Variants in PTGER4 observed in about 807,000 individuals in gnomAD.
PTGER4 encodes the protein prostaglandin E receptor 4.
Under a neutral mutation model 33.2 loss-of-function variants are expected in PTGER4, and 11 were observed. The observed-to-expected ratio is 0.33, with a 90% confidence interval of 0.21 to 0.55. The LOEUF (loss-of-function observed/expected upper bound fraction) is 0.55, where lower values mean the gene tolerates loss of function less well. Ranked by LOEUF, PTGER4 falls within the 20% of genes least tolerant of loss-of-function variation. The pLI is 0.92. For synonymous variants in PTGER4, 275 were observed against 281.5 expected (o/e 0.98, Z 0.23); for missense variants, 481 against 650.2 (o/e 0.74, Z 2.83).
chr5:40,707,731 A>G, the PTGER4 span, among the ~76,000 whole-genome samples: 1 of 152,100 alleles, frequency 6.6e-6, no homozygotes, highest in South Asian at 2.1e-4. Context: ...AATACACATT[A>G]TTCTCAGCAC....
In PTGER4 at chr5:40,680,886, GTC is replaced by G; in HGVS notation, c.-43-63_-43-62del. 7.2e-7 allele frequency: 1 copy of G among 1,391,368 alleles called. No homozygotes were observed. The highest frequency in any genetic ancestry group is 9.7e-7 in the Non-Finnish European group (1 of 1,026,628). The allele number at this position is 1,391,368 out of a possible 1,614,324, so 86.2% of individuals were successfully genotyped here. ...TCAGTGTATCGTTTCTCGGGCGCGGGTCTAACACCTTACAAGTGGTAATTTCC... is the reference window on the plus strand; with the variant it reads ...TCAGTGTATCGTTTCTCGGGCGCGGGTAACACCTTACAAGTGGTAATTTCC... On this transcript the variant is annotated intron_variant, in intron 1 of 2. Transcript: ENST00000302472. This position sits in a 1 kb window ranked among gnomAD's most constrained non-coding sequence, Gnocchi z 5.5.
the PTGER4 span, among the ~76,000 whole-genome samples, chr5:40,735,759 G>T: frequency 1.3e-5 from 2 of 152,200 alleles, no homozygotes; most frequent in African/African-American, 4.8e-5. Flanking sequence ...AGAGAGCAGT[G>T]TATTTAGGAA....
At chr5:40,741,670 C>T in the PTGER4 span, among the ~76,000 whole-genome samples, 1 of 152,106 alleles carries the variant, frequency 6.6e-6, no homozygotes, top group Non-Finnish European at 1.5e-5. Context: ...GTGCCCATTC[C>T]CTGGAGACTA....
At chr5:40,690,439 T>C (rs945501145) in intron 2 of PTGER4, among the ~76,000 whole-genome samples, 1 of 152,246 alleles carries the variant, frequency 6.6e-6, no homozygotes, top group African/African-American at 2.4e-5. Flanking sequence ...CGCTGAATCA[T>C]TTGAAGTTCC....
At chr5:40,699,582 A>T in the PTGER4 span, among the ~76,000 whole-genome samples, 45,262 of 151,998 alleles carry the variant, frequency 0.3, 6,988 homozygotes, top group East Asian at 0.55. Context: ...CCTCATGAAC[A>T]CAGACACAAA....
the PTGER4 span, among the ~76,000 whole-genome samples, chr5:40,728,689 A>G: frequency 3.9e-5 from 6 of 152,212 alleles, no homozygotes; most frequent in East Asian, 1.2e-3. Flanking sequence ...TTCCCTTTCC[A>G]GTTATTGAAT....
chr5:40,726,224 A>G, the PTGER4 span, among the ~76,000 whole-genome samples: 4 of 151,032 alleles, frequency 2.6e-5, no homozygotes, highest in Non-Finnish European at 5.9e-5. Context: ...TTATATATAT[A>G]TATCTCCTAT....
chr5:40,720,433 T>C, the PTGER4 span, among the ~76,000 whole-genome samples: 1 of 152,238 alleles, frequency 6.6e-6, no homozygotes, highest in Admixed American at 6.5e-5. Flanking sequence ...AGTACTATAC[T>C]GTCTTGATTA....
chr5:40,722,348 C>T, the PTGER4 span, among the ~76,000 whole-genome samples: 14 of 152,244 alleles, frequency 9.2e-5, no homozygotes, highest in South Asian at 2.5e-3. Context: ...AAGTGAGGAG[C>T]GTCTCTGCCT....
the PTGER4 span, chr5:40,730,251 A>T: frequency 1.3e-6 from 2 of 1,588,760 alleles, no homozygotes; most frequent in Non-Finnish European, 1.7e-6. Context: ...GAAATTCTTC[A>T]TAATTATTAC....
the PTGER4 span, among the ~76,000 whole-genome samples, chr5:40,743,895 A>G: frequency 1.3e-5 from 2 of 152,240 alleles, no homozygotes; most frequent in Non-Finnish European, 2.9e-5. Context: ...AAAGCATCCA[A>G]TCCCACTGGT....
Position 40,681,841 on chromosome 5 carries a change from T to C in PTGER4, c.848T>C (p.Ile283Thr). 6.4e-7 allele frequency: 1 copy of C among 1,552,130 alleles called. No homozygotes were observed. The highest frequency in any genetic ancestry group is 1.2e-5 in the South Asian group (1 of 82,190). ...ATTGCCACCTCCCTGGTGGTGCTCA[T>C]CTGCTCCATCCCGCTCGTGGTGAGT... ...LLIATSLVVL[I>T]CSIPLVVRVF... Residue 283 changes from isoleucine (I) to threonine (T), a missense_variant, in exon 2 of 3, where the codon ATC becomes ACC. Physicochemically the swap from Ile to Thr is moderately conservative, Grantham distance 89. This residue lies in a region of PTGER4 where 174 missense variants were observed against 210.5 expected (regional missense o/e 0.83). Transcript: ENST00000302472. This position sits in a 1 kb window ranked among gnomAD's most constrained non-coding sequence, Gnocchi z 9.8.
chr5:40,685,921 T>C (rs1008197590), intron 2 of PTGER4, among the ~76,000 whole-genome samples: 3 of 152,198 alleles, frequency 2.0e-5, no homozygotes, highest in Admixed American at 6.5e-5. Flanking sequence ...GAATATTCAA[T>C]GTGAGAGCTT....
At chr5:40,694,107 T>C (rs1036892030), downstream of PTGER4, among the ~76,000 whole-genome samples, 5 of 152,196 alleles carry the variant, frequency 3.3e-5, no homozygotes, top group African/African-American at 7.2e-5. Flanking sequence ...CTAGAGTGCA[T>C]TGGCACAATC....
chr5:40,744,248 CTAACAT>C, the PTGER4 span, among the ~76,000 whole-genome samples: 1 of 152,168 alleles, frequency 6.6e-6, no homozygotes, highest in Non-Finnish European at 1.5e-5. Flanking sequence ...AATTCACAAC[CTAACAT>C]TAGCTAGTTA....
At chr5:40,725,943 G>A in the PTGER4 span, among the ~76,000 whole-genome samples, 14 of 151,626 alleles carry the variant, frequency 9.2e-5, no homozygotes, top group East Asian at 5.8e-4. Flanking sequence ...CCGCCACCAC[G>A]TCCAGCTAAT....
the PTGER4 span, among the ~76,000 whole-genome samples, chr5:40,707,692 C>A: frequency 6.6e-6 from 1 of 152,204 alleles, no homozygotes; most frequent in Non-Finnish European, 1.5e-5. Context: ...TAACAGACCT[C>A]TACAGAACTC....
chr5:40,746,774 A>T, the PTGER4 span: 1 of 1,455,732 alleles, frequency 6.9e-7, no homozygotes, highest in South Asian at 1.3e-5. Context: ...TCTTCTCCAT[A>T]AAAAAAAAAC....
downstream of PTGER4, among the ~76,000 whole-genome samples, chr5:40,697,066 AAAG>A (rs138665903): frequency 8.2e-3 from 652 of 79,186 alleles, 7 homozygotes; most frequent in African/African-American, 0.034. Flanking sequence ...GAAAGAAAAG[AAAG>A]AAAGGAAGGA....
Sources: allele counts gnomAD v4.1 joint callset (sites outside exome capture counted in the v4.1 genomes callset), GRCh38; gene constraint gnomAD v4.1.1; regional missense constraint gnomAD v4.1.1; non-coding constraint Gnocchi (gnomAD v3.1); transcripts MANE v1.5; gene names NCBI Gene and HGNC (gene_info 2026-07-23, HGNC 2026-07-21).